KCNAB1: variants seen among roughly 807,000 people sequenced by gnomAD.
KCNAB1 encodes the protein potassium voltage-gated channel subfamily A regulatory beta subunit 1.
Under a neutral mutation model 64.6 loss-of-function variants are expected in KCNAB1, and 35 were observed. The ratio of observed to expected loss-of-function variants is 0.54; its 90% CI spans 0.41 to 0.72. KCNAB1 has a LOEUF of 0.72. Ranked by LOEUF, KCNAB1 falls within the 30% of genes least tolerant of loss-of-function variation. The pLI is 0.00. For synonymous variants in KCNAB1, 177 were observed against 183.8 expected (o/e 0.96, Z 0.30); for missense variants, 401 against 512.9 (o/e 0.78, Z 2.11).
At chr3:156,130,246 A>G (rs1010131490) in intron 1 of KCNAB1, among the ~76,000 whole-genome samples, 8 of 152,318 alleles carry the variant, frequency 5.3e-5, no homozygotes, top group Admixed American at 5.2e-4. Flanking sequence ...CATGGGCTCT[A>G]CGTCAGCTTA....
chr3:156,288,300 G>A (rs551234027), intron 1 of KCNAB1, among the ~76,000 whole-genome samples: 96 of 152,288 alleles, frequency 6.3e-4, no homozygotes, highest in Admixed American at 5.8e-3. Flanking sequence ...GAGGTACTGG[G>A]GGTTAGGGCT....
At chr3:156,476,831 A>G (rs1448726307) in intron 8 of KCNAB1, among the ~76,000 whole-genome samples, 1 of 152,168 alleles carries the variant, frequency 6.6e-6, no homozygotes, top group Non-Finnish European at 1.5e-5. Context: ...TTAGTCTGCA[A>G]TAGTGTCAAG....
At chr3:156,520,085 A>G (rs1330225734) in intron 11 of KCNAB1, among the ~76,000 whole-genome samples, 1 of 152,198 alleles carries the variant, frequency 6.6e-6, no homozygotes, top group Non-Finnish European at 1.5e-5. Context: ...CTAGGACACA[A>G]ACTGAAACCT....
intron 1 of KCNAB1, among the ~76,000 whole-genome samples, chr3:156,212,370 A>G (rs1314780008): frequency 6.6e-6 from 1 of 152,192 alleles, no homozygotes; most frequent in Non-Finnish European, 1.5e-5. Flanking sequence ...ATGAAAGATG[A>G]TGGGGTAGAT....
intron 1 of KCNAB1, among the ~76,000 whole-genome samples, chr3:156,248,429 C>T (rs1436151761): frequency 6.6e-6 from 1 of 150,424 alleles, no homozygotes; most frequent in Non-Finnish European, 1.5e-5. Flanking sequence ...AATTTGATGC[C>T]ATGGGAAGTT....
At chr3:156,276,528 T>C (rs1392272361) in intron 1 of KCNAB1, among the ~76,000 whole-genome samples, 2 of 152,196 alleles carry the variant, frequency 1.3e-5, no homozygotes, top group Non-Finnish European at 2.9e-5. Flanking sequence ...AAGAAGGCTA[T>C]TTTGTCTACA....
chr3:156,445,778 G>A (rs775182365), intron 2 of KCNAB1, among the ~76,000 whole-genome samples: 14 of 152,146 alleles, frequency 9.2e-5, no homozygotes, highest in East Asian at 7.7e-4. Flanking sequence ...TAAACTATGC[G>A]GTTACAATAT....
At chr3:156,264,322 T>G (rs1718582538) in intron 1 of KCNAB1, among the ~76,000 whole-genome samples, 1 of 152,076 alleles carries the variant, frequency 6.6e-6, no homozygotes, top group African/African-American at 2.4e-5. Context: ...AGCATATAGT[T>G]GGATCTTGAT....
chr3:156,512,840 G>C (rs930324562), intron 8 of KCNAB1, among the ~76,000 whole-genome samples: 3 of 152,204 alleles, frequency 2.0e-5, no homozygotes, highest in African/African-American at 4.8e-5. Context: ...TTATAAGCCA[G>C]CTTTTACCTC....
At chr3:156,233,604 G>A (rs186611091) in intron 1 of KCNAB1, among the ~76,000 whole-genome samples, 69 of 152,266 alleles carry the variant, frequency 4.5e-4, no homozygotes, top group African/African-American at 1.6e-3. Flanking sequence ...AGCATACAGG[G>A]CTAAGGTTTG....
intron 1 of KCNAB1, among the ~76,000 whole-genome samples, chr3:156,393,315 C>T (rs903336372): frequency 2.0e-5 from 3 of 152,142 alleles, no homozygotes; most frequent in Non-Finnish European, 2.9e-5. Flanking sequence ...TTACCCCTTA[C>T]GTATGTCTAT....
intron 1 of KCNAB1, chr3:156,292,236 CT>C: frequency 1.6e-6 from 2 of 1,247,498 alleles, no homozygotes; most frequent in Non-Finnish European, 2.3e-6. Context: ...GGGTTGCTCA[CT>C]TTAGAATTCT....
At chr3:156,352,663 G>A (rs1185929988) in intron 1 of KCNAB1, among the ~76,000 whole-genome samples, 1 of 152,180 alleles carries the variant, frequency 6.6e-6, no homozygotes, top group Non-Finnish European at 1.5e-5. Context: ...CTGGACCTCA[G>A]TCAGGTCTGT....
intron 1 of KCNAB1, among the ~76,000 whole-genome samples, chr3:156,368,272 G>A (rs913609040): frequency 6.6e-6 from 1 of 152,198 alleles, no homozygotes; most frequent in East Asian, 1.9e-4. Context: ...GGAGGGCTGG[G>A]AGGTGGCATT....
chr3:156,459,680 G>A, intron 4 of KCNAB1, 147 bp from the exon 5 acceptor site: 1 of 562,690 alleles, frequency 1.8e-6, no homozygotes, highest in Non-Finnish European at 3.1e-6. Context: ...AGAAACAGCG[G>A]AAACTGTGCT....
intron 1 of KCNAB1, among the ~76,000 whole-genome samples, chr3:156,417,719 G>GAAAAAAAAAAAAAAA (rs200175870): frequency 7.7e-6 from 1 of 130,260 alleles, no homozygotes; most frequent in African/African-American, 2.9e-5. Flanking sequence ...TGCCTTAAAA[G>GAAAAAAAAAAAAAAA]AAAAAAAAAA....
intron 1 of KCNAB1, among the ~76,000 whole-genome samples, chr3:156,265,639 C>T (rs1221832978): frequency 6.6e-6 from 1 of 152,182 alleles, no homozygotes; most frequent in African/African-American, 2.4e-5. Flanking sequence ...CCATGCTTTC[C>T]CCAAACTGAC....
intron 2 of KCNAB1, chr3:156,441,503 T>A (rs961211159): frequency 3.9e-5 from 6 of 152,142 alleles, no homozygotes; most frequent in African/African-American, 1.4e-4. Flanking sequence ...CCAGACACTA[T>A]GAAAATAATT....
intron 1 of KCNAB1, among the ~76,000 whole-genome samples, chr3:156,354,303 C>T (rs563250348): frequency 6.6e-6 from 1 of 151,400 alleles, no homozygotes; most frequent in South Asian, 2.1e-4. Flanking sequence ...GCTGGGATTA[C>T]AGGCATGCAC....
Sources: gnomAD v4.1 joint callset for allele counts (sites outside exome capture counted in the v4.1 genomes callset) on GRCh38, gnomAD v4.1.1 for gene constraint, MANE v1.5 for transcripts, NCBI Gene and HGNC (gene_info 2026-07-23, HGNC 2026-07-21) for gene names.